The following WASHC3 variants were observed in gnomAD, a reference collection of about 807,000 sequenced individuals.
WASHC3 encodes the protein WASH complex subunit 3.
In WASHC3, 24 loss-of-function variants were observed where a neutral mutation model predicts 26.1. That is an observed-to-expected ratio of 0.92 (90% CI 0.66 to 1.29). The LOEUF (loss-of-function observed/expected upper bound fraction) is 1.29. Ranked by LOEUF, WASHC3 falls within the 50% of genes most tolerant of loss-of-function variation. The pLI is 0.00. For synonymous variants in WASHC3, 77 were observed against 75.7 expected (o/e 1.02, Z -0.09); for missense variants, 214 against 229.6 (o/e 0.93, Z 0.44).
intron 3 of WASHC3, among the ~76,000 whole-genome samples, chr12:102,045,105 T>TA (rs146922435): frequency 0.018 from 2,678 of 148,494 alleles, 31 homozygotes; most frequent in African/African-American, 0.038. Flanking sequence ...GAATAATAAT[T>TA]AAAAAAAAAA....
At chr12:102,043,990 T>A in intron 4 of WASHC3, 115 bp downstream of exon 4, 1 of 505,614 alleles carries the variant, frequency 2.0e-6, no homozygotes, top group South Asian at 3.1e-5. Context: ...TATGTTAAGG[T>A]TTTAAAATTT....
chr12:102,049,111 C>T (rs1387252245), intron 2 of WASHC3, among the ~76,000 whole-genome samples: 2 of 152,206 alleles, frequency 1.3e-5, no homozygotes, highest in Admixed American at 6.5e-5. Context: ...TTTTTCAATG[C>T]TAGCTATATT....
At chr12:102,041,960 A>C (rs1306465287) in intron 4 of WASHC3, among the ~76,000 whole-genome samples, 1 of 152,150 alleles carries the variant, frequency 6.6e-6, no homozygotes, top group Non-Finnish European at 1.5e-5. Flanking sequence ...TAAATATGTG[A>C]GGACAAACAC....
intron 2 of WASHC3, among the ~76,000 whole-genome samples, chr12:102,047,429 A>G (rs1374058904): frequency 6.6e-6 from 1 of 152,236 alleles, no homozygotes; most frequent in Non-Finnish European, 1.5e-5. Context: ...GACATAATCT[A>G]CAAATAAAGT....
intron 2 of WASHC3, among the ~76,000 whole-genome samples, chr12:102,049,001 G>A (rs1446789825): frequency 2.0e-5 from 3 of 152,178 alleles, no homozygotes; most frequent in Non-Finnish European, 4.4e-5. Context: ...CAGGTGAAAA[G>A]GTATACCTGG....
intron 6 of WASHC3, among the ~76,000 whole-genome samples, chr12:102,023,636 A>C (rs1270850796): frequency 6.6e-6 from 1 of 152,174 alleles, no homozygotes; most frequent in Non-Finnish European, 1.5e-5. Context: ...AGTTGACTGC[A>C]CTTATCACAT....
At chr12:102,045,556 A>G (rs1237250574) in intron 3 of WASHC3, among the ~76,000 whole-genome samples, 1 of 152,218 alleles carries the variant, frequency 6.6e-6, no homozygotes, top group Non-Finnish European at 1.5e-5. Context: ...AAAATCTTTA[A>G]GCTTGCAATC....
intron 3 of WASHC3, among the ~76,000 whole-genome samples, chr12:102,045,097 A>G (rs1021252483): frequency 2.0e-5 from 3 of 152,054 alleles, no homozygotes; most frequent in African/African-American, 7.3e-5. Flanking sequence ...ATTATAAAGA[A>G]TAATAATTAA....
chr12:102,047,208 T>C (rs1006438746), intron 2 of WASHC3, among the ~76,000 whole-genome samples: 1 of 152,186 alleles, frequency 6.6e-6, no homozygotes, highest in Non-Finnish European at 1.5e-5. Context: ...CCAAGAGCAG[T>C]TGCCCAGTTT....
In WASHC3 at chr12:102,046,068, T is replaced by C. The variant is rs2136675746; in HGVS notation, c.202A>G (p.Ile68Val). ...RIQQIETTLN[I>V]LDAKLSSIPG... The stretch of plus-strand genomic sequence containing the variant: ...GAAATACCAACCTTTGCATCTAAAA[T>C]ATTGAGAGTTGTTTCAATTTGTTGG... Residue 68 changes from isoleucine to valine, a missense_variant, in exon 3 of 7, where the codon ATT becomes GTT. By Grantham distance (29) the Ile-to-Val change is conservative (BLOSUM62 3). Coordinates refer to ENST00000240079, the MANE Select transcript of WASHC3 (RefSeq NM_016053.4). 2 of 1,591,960 alleles carry C rather than the reference T, an allele frequency of 1.3e-6. No individual in the cohort carries two copies. The highest frequency in any genetic ancestry group is 1.7e-6 in the Non-Finnish European group (2 of 1,164,984).
At chr12:102,022,125 T>G (rs892354499) in intron 6 of WASHC3, among the ~76,000 whole-genome samples, 1 of 152,226 alleles carries the variant, frequency 6.6e-6, no homozygotes, top group African/African-American at 2.4e-5. Context: ...GTTAGGAGTA[T>G]GTTCAATTGA....
At chr12:102,015,505 T>C (rs11111132) in intron 6 of WASHC3, among the ~76,000 whole-genome samples, 5,464 of 152,290 alleles carry the variant, frequency 0.036, 398 homozygotes, top group East Asian at 0.31. Context: ...CTACTTTGTG[T>C]CTGACTGATT....
At chr12:102,029,359 C>T (rs930438708) in intron 5 of WASHC3, among the ~76,000 whole-genome samples, 1 of 152,096 alleles carries the variant, frequency 6.6e-6, no homozygotes, top group South Asian at 2.1e-4. Context: ...ATGAAGAAGA[C>T]AGAAGGCAGC....
intron 5 of WASHC3, among the ~76,000 whole-genome samples, chr12:102,033,902 C>G (rs776000521): frequency 6.6e-5 from 10 of 152,108 alleles, no homozygotes; most frequent in Non-Finnish European, 1.2e-4. Context: ...AATTAGAACT[C>G]ATTTAAAGAA....
At chr12:102,027,414 T>C (rs1291237633) in intron 5 of WASHC3, among the ~76,000 whole-genome samples, 2 of 152,172 alleles carry the variant, frequency 1.3e-5, no homozygotes, top group Non-Finnish European at 2.9e-5. Context: ...AGTCCAGGCA[T>C]GCATATGTAC....
At chr12:102,057,277 A>C (rs1469012250) in intron 2 of WASHC3, among the ~76,000 whole-genome samples, 5 of 152,156 alleles carry the variant, frequency 3.3e-5, no homozygotes, top group Non-Finnish European at 7.4e-5. Context: ...CAACACAATG[A>C]AGGCCATTTA....
At chr12:102,014,059 A>C (rs138518077) in intron 6 of WASHC3, among the ~76,000 whole-genome samples, 1 of 151,358 alleles carries the variant, frequency 6.6e-6, no homozygotes, top group Non-Finnish European at 1.5e-5. Context: ...AAGGAGTAAC[A>C]ATATAACTGC....
intron 2 of WASHC3, among the ~76,000 whole-genome samples, chr12:102,049,007 C>T (rs1196882889): frequency 6.6e-6 from 1 of 152,164 alleles, no homozygotes; most frequent in Non-Finnish European, 1.5e-5. Flanking sequence ...AAAAGGTATA[C>T]CTGGGTTCAT....
At chr12:102,044,255 G>A in intron 3 of WASHC3, 43 bp from the exon 4 acceptor site, 2 of 973,102 alleles carry the variant, frequency 2.1e-6, no homozygotes, top group South Asian at 1.6e-5. Context: ...GATAGTACTT[G>A]CATAAATAAA....
Sources: allele counts gnomAD v4.1 joint callset (sites outside exome capture counted in the v4.1 genomes callset), GRCh38; gene constraint gnomAD v4.1.1; transcripts MANE v1.5; gene names NCBI Gene and HGNC (gene_info 2026-07-23, HGNC 2026-07-21).